NFAT5: variants seen among roughly 807,000 people sequenced by gnomAD.
NFAT5 encodes nuclear factor of activated T-cells 5.
NFAT5 carries 31 observed loss-of-function variants against 166.5 expected under a neutral mutation model. The ratio of observed to expected loss-of-function variants is 0.19; its 90% confidence interval spans 0.14 to 0.25. NFAT5 has a LOEUF of 0.25. NFAT5 is among the 10% of genes least tolerant of loss of function. The pLI is 1.00. For synonymous variants in NFAT5, 612 were observed against 639.7 expected, an observed-to-expected ratio of 0.96 and a Z score of 0.65; for missense variants, 1,449 against 1,821.8, an observed-to-expected ratio of 0.80 and a Z score of 3.72.
At chr16:69,635,959 C>G (rs1239291990) in intron 3 of NFAT5, among the ~76,000 whole-genome samples, 1 of 152,108 alleles carries the variant, frequency 6.6e-6, no homozygotes, top group Non-Finnish European at 1.5e-5. Flanking sequence ...AAAAGTCTAC[C>G]AGTCCAAAGT....
intron 2 of NFAT5, among the ~76,000 whole-genome samples, chr16:69,610,627 C>T (rs1442352449): frequency 6.6e-6 from 1 of 152,116 alleles, no homozygotes; most frequent in Non-Finnish European, 1.5e-5. Context: ...CTGCCTGGGA[C>T]CCAGCTTTAG....
chr16:69,611,948 G>A (rs1452083671), intron 2 of NFAT5, among the ~76,000 whole-genome samples: 1 of 152,226 alleles, frequency 6.6e-6, no homozygotes, highest in Non-Finnish European at 1.5e-5. Flanking sequence ...ACATCAGGCA[G>A]TCCATAAATA....
rs1158237191 is a variant in NFAT5, at chr16:69,703,047, A to T, written c.*6696A>T. 9 of 152,642 alleles carry T rather than the reference A, an allele frequency of 5.9e-5. No homozygotes were observed. The highest frequency in any genetic ancestry group is 1.0e-4 in the Non-Finnish European group (7 of 68,040). The allele number at this position is 152,642 out of a possible 1,614,324, so 9.5% of individuals were successfully genotyped here. ...GTAGCTAATATAATTGACCGGTGCT[A>T]AAGTCTCCTGTTTATCCATAAAATG... On this transcript the variant is annotated 3_prime_UTR_variant, in exon 15 of 15. Transcript: ENST00000349945.
chr16:69,624,002 C>T (rs1165160102), intron 2 of NFAT5, among the ~76,000 whole-genome samples: 5 of 152,066 alleles, frequency 3.3e-5, no homozygotes, highest in South Asian at 4.1e-4. Context: ...CCACCCGCCT[C>T]GGCTTCCCAA....
At chr16:69,642,677 C>A (rs771851359) in intron 3 of NFAT5, among the ~76,000 whole-genome samples, 1 of 151,674 alleles carries the variant, frequency 6.6e-6, no homozygotes, top group African/African-American at 2.4e-5. Context: ...ATTAGCCGGA[C>A]GTGGTGGCGG....
intron 7 of NFAT5, among the ~76,000 whole-genome samples, chr16:69,666,728 T>C: frequency 6.6e-6 from 1 of 151,704 alleles, no homozygotes; most frequent in Non-Finnish European, 1.5e-5. Flanking sequence ...TTGGTGGGAC[T>C]GTAAACTAGT....
intron 2 of NFAT5, among the ~76,000 whole-genome samples, chr16:69,616,328 A>G (rs183106476): frequency 6.6e-6 from 1 of 151,828 alleles, no homozygotes; most frequent in Non-Finnish European, 1.5e-5. Context: ...AACCAACCTT[A>G]GGCAATCCTT....
intron 2 of NFAT5, among the ~76,000 whole-genome samples, chr16:69,574,091 G>T (rs1166663571): frequency 6.6e-6 from 1 of 151,894 alleles, no homozygotes; most frequent in African/African-American, 2.4e-5. Context: ...GGTTGGTCTC[G>T]AACTCGTGAC....
chr16:69,658,631 C>G (rs1305820374), intron 6 of NFAT5, among the ~76,000 whole-genome samples: 1 of 151,784 alleles, frequency 6.6e-6, no homozygotes, highest in South Asian at 2.1e-4. Flanking sequence ...AGTTCGAGAC[C>G]AACCTAGGCA....
chr16:69,644,776 C>A, intron 3 of NFAT5: 1 of 442,074 alleles, frequency 2.3e-6, no homozygotes, highest in Non-Finnish European at 4.5e-6. Flanking sequence ...TTCACCTGTA[C>A]TTTCCATCTG....
At chr16:69,696,077 A>G (rs1597580903) in intron 14 of NFAT5, among the ~76,000 whole-genome samples, 1 of 152,234 alleles carries the variant, frequency 6.6e-6, no homozygotes. Flanking sequence ...CTCAACCTAT[A>G]TTGGACATTC....
intron 10 of NFAT5, among the ~76,000 whole-genome samples, chr16:69,684,225 C>T (rs1483572890): frequency 2.1e-5 from 3 of 146,026 alleles, no homozygotes; most frequent in East Asian, 4.1e-4. Flanking sequence ...TACCACTGCA[C>T]TCCTCCTGGG....
At chr16:69,680,881 T>C (rs1005950894) in intron 10 of NFAT5, among the ~76,000 whole-genome samples, 2 of 152,154 alleles carry the variant, frequency 1.3e-5, no homozygotes, top group Non-Finnish European at 2.9e-5. Context: ...TGCCACAGCC[T>C]CCGAAGTAGC....
In NFAT5 at chr16:69,591,670, A is replaced by G. The variant is rs548463656; in HGVS notation, c.127+23122A>G. On this transcript the variant is annotated intron_variant, in intron 2 of 14. Coordinates refer to ENST00000349945, the MANE Select transcript of NFAT5 (RefSeq NM_138713.4). ...TGAGAAAAAAAGTTGATTTTTCAGG[A>G]TAAGTAATTCTTTTTGGGTGTTCAA... Among the ~76,000 whole-genome samples, 68 of 152,320 alleles carry G rather than the reference A, an allele frequency of 4.5e-4. 1 individual carries two copies. Among genetic ancestry groups the G allele is most frequent in the Middle Eastern group, 3.4e-3 (1 of 294 alleles).
At chr16:69,628,324 AAG>A (rs1277758674) in intron 3 of NFAT5, among the ~76,000 whole-genome samples, 1 of 152,118 alleles carries the variant, frequency 6.6e-6, no homozygotes, top group Admixed American at 6.5e-5. Flanking sequence ...ATCTAATTAA[AAG>A]AAGTATTTTG....
intron 7 of NFAT5, among the ~76,000 whole-genome samples, chr16:69,660,650 T>C (rs182973767): frequency 1.3e-5 from 2 of 152,300 alleles, no homozygotes; most frequent in Admixed American, 6.5e-5. Context: ...TCAATTCTTA[T>C]CACTAACCTT....
At chr16:69,634,776 G>T (rs1003790267) in intron 3 of NFAT5, among the ~76,000 whole-genome samples, 1 of 152,060 alleles carries the variant, frequency 6.6e-6, no homozygotes, top group African/African-American at 2.4e-5. Flanking sequence ...ATGGGCTTTG[G>T]AGTCATAAAG....
intron 2 of NFAT5, among the ~76,000 whole-genome samples, chr16:69,583,716 T>C (rs1270739938): frequency 2.0e-5 from 3 of 152,160 alleles, no homozygotes; most frequent in Non-Finnish European, 4.4e-5. Context: ...CCTTGCATTT[T>C]TGTAACACCT....
At chr16:69,645,501 G>A (rs1046449112) in intron 3 of NFAT5, among the ~76,000 whole-genome samples, 11 of 152,042 alleles carry the variant, frequency 7.2e-5, no homozygotes, top group Middle Eastern at 3.4e-3. Context: ...ATTCTGGGTG[G>A]ATATAGTTCA....
Sources: allele counts gnomAD v4.1 joint callset (sites outside exome capture counted in the v4.1 genomes callset), GRCh38; gene constraint gnomAD v4.1.1; transcripts MANE v1.5; gene names NCBI Gene and HGNC (gene_info 2026-07-23, HGNC 2026-07-21).